TTLL5: variants seen among roughly 807,000 people sequenced by gnomAD.
The protein encoded by TTLL5 is tubulin tyrosine ligase like 5.
Under a neutral mutation model 168.4 loss-of-function variants are expected in TTLL5, and 132 were observed. The observed-to-expected ratio is 0.78, with a 90% CI of 0.68 to 0.91. TTLL5 has a LOEUF of 0.91. TTLL5 is among the 40% of genes least tolerant of loss of function. The pLI, the probability that TTLL5 is intolerant of heterozygous loss-of-function variation, is 0.00. For synonymous variants in TTLL5, 546 were observed against 558.6 expected, an observed-to-expected ratio of 0.98 and a Z score of 0.32; for missense variants, 1,545 against 1,581.5, an observed-to-expected ratio of 0.98 and a Z score of 0.39.
chr14:75,703,504 T>G (rs137993711), intron 7 of TTLL5, among the ~76,000 whole-genome samples: 1,917 of 152,320 alleles, frequency 0.013, 18 homozygotes, highest in South Asian at 0.035. Flanking sequence ...CTGTGTTTGC[T>G]CCACTCCTTC....
At chr14:75,884,772 G>T (rs1264702139) in intron 30 of TTLL5, among the ~76,000 whole-genome samples, 1 of 151,944 alleles carries the variant, frequency 6.6e-6, no homozygotes, top group African/African-American at 2.4e-5. Flanking sequence ...GGGGACCCCA[G>T]TGTTTTCAGA....
At chr14:75,745,699 A>AATATTTATC in intron 17 of TTLL5, 118 bp downstream of exon 17, 4 of 739,194 alleles carry the variant, frequency 5.4e-6, no homozygotes, top group Non-Finnish European at 8.9e-6. Context: ...GTTTATTTAT[A>AATATTTATC]ATATGATAAA....
chr14:75,924,446 G>A (rs1267695547), intron 31 of TTLL5, among the ~76,000 whole-genome samples: 7 of 151,928 alleles, frequency 4.6e-5, no homozygotes, highest in Non-Finnish European at 8.8e-5. Context: ...CGCAGTGTTT[G>A]TGTCCCTGGG....
chr14:75,882,111 A>G (rs182067978), intron 29 of TTLL5, among the ~76,000 whole-genome samples: 62 of 152,304 alleles, frequency 4.1e-4, no homozygotes, highest in Middle Eastern at 3.4e-3. Flanking sequence ...TCTAGCTAGA[A>G]TTCTAAACTA....
intron 27 of TTLL5, among the ~76,000 whole-genome samples, chr14:75,813,561 C>T (rs1894199545): frequency 6.6e-6 from 1 of 152,052 alleles, no homozygotes; most frequent in Non-Finnish European, 1.5e-5. Context: ...CTTTGGCCTC[C>T]CAAAGTGCTG....
chr14:75,663,301 A>G, intron 2 of TTLL5, 78 bp downstream of exon 2: 1 of 1,338,630 alleles, frequency 7.5e-7, no homozygotes, highest in Non-Finnish European at 1.0e-6. Context: ...GTTTTACTAT[A>G]TACTCTTCTC....
intron 28 of TTLL5, among the ~76,000 whole-genome samples, chr14:75,852,194 C>A (rs1408443051): frequency 6.6e-6 from 1 of 152,164 alleles, no homozygotes. Flanking sequence ...TGCTGCCTCC[C>A]CTTCTGCAGG....
intron 23 of TTLL5, among the ~76,000 whole-genome samples, chr14:75,778,518 A>G (rs1891853781): frequency 6.6e-6 from 1 of 152,126 alleles, no homozygotes; most frequent in African/African-American, 2.4e-5. Context: ...CACTTGAGAG[A>G]CTTATCTTGT....
intron 20 of TTLL5, among the ~76,000 whole-genome samples, chr14:75,771,387 CA>C (rs1173359354): frequency 2.6e-5 from 4 of 152,064 alleles, no homozygotes; most frequent in African/African-American, 9.7e-5. Context: ...GAGATTCCAC[CA>C]CTACACTGCA....
chr14:75,790,423 C>T (rs1892627510), intron 26 of TTLL5, among the ~76,000 whole-genome samples: 1 of 151,536 alleles, frequency 6.6e-6, no homozygotes, highest in Non-Finnish European at 1.5e-5. Flanking sequence ...CTTGACAATA[C>T]TAAGTGTTGA....
intron 29 of TTLL5, among the ~76,000 whole-genome samples, chr14:75,870,098 C>T (rs1232751534): frequency 2.0e-5 from 3 of 151,942 alleles, no homozygotes; most frequent in Non-Finnish European, 4.4e-5. Context: ...GGATTACAGG[C>T]GTGAGCCACC....
chr14:75,881,895 A>G (rs1007267530), intron 29 of TTLL5, among the ~76,000 whole-genome samples: 8 of 152,200 alleles, frequency 5.3e-5, no homozygotes, highest in Non-Finnish European at 1.0e-4. Context: ...ACTTGAAGGA[A>G]GAATACTTTT....
chr14:75,891,081 C>G (rs2056854), intron 30 of TTLL5, among the ~76,000 whole-genome samples: 108,681 of 152,098 alleles, frequency 0.71, 39,241 homozygotes, highest in Admixed American at 0.79. Context: ...AGTCCTGACT[C>G]TGACATTCAA....
intron 31 of TTLL5, among the ~76,000 whole-genome samples, chr14:75,928,363 A>ATATATATATATATATATATATT: frequency 7.2e-6 from 1 of 138,210 alleles, no homozygotes; most frequent in Non-Finnish European, 1.5e-5. Flanking sequence ...ATATATATAT[A>ATATATATATATATATATATATT]TATATCACTG....
At chr14:75,750,710 A>G (rs1346348501) in intron 17 of TTLL5, among the ~76,000 whole-genome samples, 2 of 152,288 alleles carry the variant, frequency 1.3e-5, no homozygotes, top group Non-Finnish European at 2.9e-5. Context: ...TAAACCCCAC[A>G]TTGTTCAAGG....
At chr14:75,878,989 C>G (rs1317943788) in intron 29 of TTLL5, among the ~76,000 whole-genome samples, 1 of 32,034 alleles carries the variant, frequency 3.1e-5, no homozygotes, top group Non-Finnish European at 5.4e-5. Context: ...TTAGTTTTTG[C>G]TAAAAAAAAG....
At chr14:75,770,917 G>A (rs1891270531) in intron 20 of TTLL5, among the ~76,000 whole-genome samples, 1 of 152,184 alleles carries the variant, frequency 6.6e-6, no homozygotes, top group African/African-American at 2.4e-5. Context: ...TTGGTCTTAA[G>A]AGTCCCTTTA....
At chr14:75,720,565 G>A (rs778561066) in intron 11 of TTLL5, 31 bp from the exon 12 acceptor site, 1 of 1,440,102 alleles carries the variant, frequency 6.9e-7, no homozygotes, top group Non-Finnish European at 9.8e-7. Flanking sequence ...TTTTGATATT[G>A]AGTCTGAAAT....
intron 28 of TTLL5, among the ~76,000 whole-genome samples, chr14:75,832,203 A>G (rs1407037257): frequency 6.6e-6 from 1 of 152,162 alleles, no homozygotes; most frequent in East Asian, 1.9e-4. Context: ...AACAATAAAT[A>G]TTTGTTAAAT....
Sources: allele counts gnomAD v4.1 joint callset (sites outside exome capture counted in the v4.1 genomes callset), GRCh38; gene constraint gnomAD v4.1.1; transcripts MANE v1.5; gene names NCBI Gene and HGNC (gene_info 2026-07-23, HGNC 2026-07-21).